Variants in SPO11 observed in about 807,000 individuals in gnomAD.
SPO11 encodes meiotic recombination protein SPO11.
Under a neutral mutation model 51.6 loss-of-function variants are expected in SPO11, and 49 were observed. The ratio of observed to expected loss-of-function variants is 0.95; its 90% CI spans 0.75 to 1.20. SPO11 has a LOEUF of 1.20. SPO11 is among the 50% of genes most tolerant of loss of function. The pLI is 0.00. For synonymous variants in SPO11, 176 were observed against 158.2 expected, an observed-to-expected ratio of 1.11 and a Z score of -0.84; for missense variants, 431 against 473.4, an observed-to-expected ratio of 0.91 and a Z score of 0.83.
At chr20:57,341,978 T>C (rs1029326848) in intron 11 of SPO11, among the ~76,000 whole-genome samples, 2 of 152,182 alleles carry the variant, frequency 1.3e-5, no homozygotes, top group Non-Finnish European at 2.9e-5. Context: ...ATCCAAGAAC[T>C]GCCCCTGGCA....
At chr20:57,330,738 A>C (rs751499196) in intron 1 of SPO11, among the ~76,000 whole-genome samples, 1 of 152,210 alleles carries the variant, frequency 6.6e-6, no homozygotes, top group Non-Finnish European at 1.5e-5. Context: ...ACCACCAAAA[A>C]ATCTGAAAAA....
intron 3 of SPO11, 102 bp downstream of exon 3, chr20:57,333,378 T>C: frequency 7.8e-6 from 6 of 772,104 alleles, no homozygotes; most frequent in Non-Finnish European, 1.0e-5. Flanking sequence ...CTGTTTTTAA[T>C]AGATCACTTT....
chr20:57,331,923 C>T lies in SPO11; in HGVS notation c.222C>T (p.Asn74=). The change falls in exon 2 of 13, where the codon AAC becomes AAT. Residue 74 remains asparagine, a synonymous_variant. Coordinates refer to ENST00000371263, the MANE Select transcript of SPO11 (RefSeq NM_012444.3). The part of the protein sequence containing the change: ...RNEAPAFTID[N]RSSWENIKFE... ...AAGCACCTGCATTCACGATAGACAA[C>T]AGATCAAGCTGGGAAAACATAAAGT... 6.3e-7 allele frequency: 1 copy of T among 1,595,330 alleles called. No homozygotes were observed. Among genetic ancestry groups the T allele is most frequent in the Non-Finnish European group, 8.5e-7 (1 of 1,171,000 alleles).
chr20:57,330,051 C>T (rs1397719149), intron 1 of SPO11, 53 bp downstream of exon 1: 9 of 1,509,784 alleles, frequency 6.0e-6, no homozygotes, highest in South Asian at 1.2e-5. Flanking sequence ...AAAAGTCGGG[C>T]GCTCTTCCTG....
chr20:57,342,652 TAAATACAGGCA>T (rs2066596665), intron 11 of SPO11, 66 bp from the exon 12 acceptor site: 5 of 861,090 alleles, frequency 5.8e-6, no homozygotes, highest in Non-Finnish European at 7.5e-6. Context: ...AGTAGTACCA[TAAATACAGGCA>T]AAATACAGGA....
intron 6 of SPO11, among the ~76,000 whole-genome samples, chr20:57,335,111 T>A (rs769354624): frequency 2.0e-5 from 3 of 152,258 alleles, no homozygotes; most frequent in Non-Finnish European, 4.4e-5. Context: ...TTTTAGCATG[T>A]TATTTAGTAA....
Position 57,335,986 on chromosome 20 carries a change from T to C in SPO11, c.744+79T>C, listed in dbSNP as rs1377043194. The C allele has an allele frequency of 6.4e-6, 5 of 786,908 alleles. No homozygotes were observed. In the Admixed American group the frequency reaches 1.2e-4, roughly 19 times the overall value. 48.7% of individuals were successfully genotyped at this position (786,908 alleles called of 1,614,324 possible). A position where few individuals can be genotyped will look rare whatever the true frequency, so the allele number is the denominator to read the frequency against. On this transcript the variant is annotated intron_variant, in intron 8 of 12. Transcript: ENST00000371263. ...ATTGGTAAGAGGATTTACAATATTA[T>C]CTACACAATGTCCTGTTTTCAATAT...
At chr20:57,342,694 T>A (rs370615184) in intron 11 of SPO11, 35 bp from the exon 12 acceptor site, 5 of 1,401,748 alleles carry the variant, frequency 3.6e-6, no homozygotes. Context: ...ACAGAAACAC[T>A]TTTTTACTGA....
intron 1 of SPO11, among the ~76,000 whole-genome samples, chr20:57,331,480 C>G (rs1217561799): frequency 6.6e-6 from 1 of 152,150 alleles, no homozygotes; most frequent in Non-Finnish European, 1.5e-5. Context: ...TATTCAAGTT[C>G]AGCTAGATTA....
chr20:57,335,767 T>G (rs1404100054), intron 7 of SPO11, 31 bp from the exon 8 acceptor site: 1 of 1,310,914 alleles, frequency 7.6e-7, no homozygotes, highest in Non-Finnish European at 1.1e-6. Flanking sequence ...GAAATACTCT[T>G]GCTTTCAATT....
intron 12 of SPO11, among the ~76,000 whole-genome samples, chr20:57,343,044 T>C (rs1397003548): frequency 1.3e-5 from 2 of 152,192 alleles, no homozygotes; most frequent in African/African-American, 4.8e-5. Flanking sequence ...CTGGCCTGTT[T>C]GTATCCTTAT....
chr20:57,339,564 G>A (rs1238447037), intron 10 of SPO11, among the ~76,000 whole-genome samples: 1 of 152,116 alleles, frequency 6.6e-6, no homozygotes, highest in African/African-American at 2.4e-5. Flanking sequence ...AAATCTCTAG[G>A]GGTGGGATCC....
rs150374893 is a variant in SPO11 at position 57,335,565 on chromosome 20, A to G, written c.634+110A>G. On this transcript the variant is annotated intron_variant, in intron 7 of 12. Coordinates refer to ENST00000371263, the MANE Select transcript of SPO11 (RefSeq NM_012444.3). ...GTGTAAGGAACAAGTTAGGCCCTGT[A>G]GCAGTCAAGATGAACACACCATGGT... The G allele has an allele frequency of 5.1e-5, 55 of 1,085,278 alleles. 1 individual carries two copies. The Middle Eastern group carries it at 9.1e-4, about 18-fold the overall frequency. The allele number at this position is 1,085,278 out of a possible 1,614,324, so 67.2% of individuals were successfully genotyped here. A position where few individuals can be genotyped will look rare whatever the true frequency, so the allele number is the denominator to read the frequency against.
chr20:57,329,874 T>G lies in SPO11; in HGVS notation c.7T>G (p.Phe3Val), dbSNP rs1387165152. The change falls in exon 1 of 13, where the codon TTT (phenylalanine) becomes GTT (valine). Residue 3 changes from phenylalanine (F) to valine (V), a missense_variant. Around this residue, in one of 3 missense-constraint regions of SPO11, gnomAD observed 405 missense variants for 425.9 expected, o/e 0.95. Coordinates refer to ENST00000371263, the MANE Select transcript of SPO11 (RefSeq NM_012444.3). MAFAPMGPEASFF... is the reference protein window; with the variant it reads MAVAPMGPEASFF... ...CTGGCAGCCGTCTGCCCTCATGGCC[T>G]TTGCACCTATGGGGCCCGAGGCCTC... 1.2e-6 allele frequency: 2 copies of G among 1,613,496 alleles called. No individual in the cohort carries two copies. Among genetic ancestry groups the G allele is most frequent in the Non-Finnish European group, 1.7e-6 (2 of 1,179,710 alleles).
At position 57,329,824 on chromosome 20, in the gene SPO11, C is replaced by T. The variant is rs1232123155; in HGVS notation, c.-44C>T. ...ACGCAGCCACGCCCCAAGGGCGCAG[C>T]CTAGGACAGGGGCTTCTGGAGCTTC... On this transcript the variant is annotated 5_prime_UTR_variant, in exon 1 of 13. Coordinates refer to ENST00000371263, the MANE Select transcript of SPO11 (RefSeq NM_012444.3). 1 of 1,591,000 alleles carries T rather than the reference C, an allele frequency of 6.3e-7. No individual in the cohort carries two copies. The highest frequency in any genetic ancestry group is 8.6e-7 in the Non-Finnish European group (1 of 1,167,394).
chr20:57,342,656 T>TA, intron 11 of SPO11, 73 bp from the exon 12 acceptor site: 1 of 890,032 alleles, frequency 1.1e-6, no homozygotes, highest in South Asian at 1.5e-5. Context: ...GTACCATAAA[T>TA]ACAGGCAAAA....
intron 8 of SPO11, among the ~76,000 whole-genome samples, chr20:57,336,230 G>T (rs1274637030): frequency 1.3e-5 from 2 of 152,130 alleles, no homozygotes; most frequent in Non-Finnish European, 2.9e-5. Context: ...GAAAAGCTGA[G>T]TGTTCCTGCC....
At chr20:57,337,631 T>C (rs2066528302) in intron 8 of SPO11, 3 of 684,872 alleles carry the variant, frequency 4.4e-6, no homozygotes, top group South Asian at 1.6e-5. Flanking sequence ...GTAGGATGTT[T>C]ATTATTTCTG....
Position 57,335,773 on chromosome 20 carries a change from CAATTT to C in SPO11, c.635-23_635-19del. 7.2e-7 allele frequency: 1 copy of C among 1,388,530 alleles called. No individual in the cohort carries two copies. The highest frequency in any genetic ancestry group is 1.4e-5 in the African/African-American group (1 of 69,734). 86.0% of individuals were successfully genotyped at this position (1,388,530 alleles called of 1,614,324 possible). ...GATTAAATTGAAATACTCTTGCTTT[CAATTT>C]ATCAGCCTTAACTTCACAGATTTAG... is the stretch of plus-strand genomic sequence containing the variant. On this transcript the variant is annotated intron_variant, in intron 7 of 12. Transcript: ENST00000371263.
Sources: gnomAD v4.1 joint callset for allele counts (sites outside exome capture counted in the v4.1 genomes callset) on GRCh38, gnomAD v4.1.1 for gene constraint, gnomAD v4.1.1 regional missense constraint, MANE v1.5 for transcripts, NCBI Gene and HGNC (gene_info 2026-07-23, HGNC 2026-07-21) for gene names.